Variants in EDA observed in about 807,000 individuals in gnomAD.
EDA encodes the protein ectodysplasin-A.
Under a neutral mutation model 23.6 loss-of-function variants are expected in EDA, and 2 were observed. That is an observed-to-expected ratio of 0.08 (90% CI 0.03 to 0.27). The LOEUF is 0.27. Among genes scored for constraint, EDA ranks in the 10% least tolerant of loss-of-function variants. EDA has a pLI of 1.00. For synonymous variants in EDA, 131 were observed against 132.0 expected (o/e 0.99, Z 0.05); for missense variants, 229 against 324.2 (o/e 0.71, Z 2.26).
chrX:69,718,059 A>C (rs900472590), intron 1 of EDA, among the ~76,000 whole-genome samples: 1 of 111,886 alleles, frequency 8.9e-6, no homozygotes, highest in African/African-American at 3.2e-5. Context: ...GAAGCCGTCA[A>C]CGTTTCCTAT....
chrX:69,645,007 T>C (rs1264085217), intron 1 of EDA, among the ~76,000 whole-genome samples: 1 of 111,616 alleles, frequency 9.0e-6, no homozygotes, highest in East Asian at 2.8e-4. Flanking sequence ...GCTACTGTAT[T>C]TTATTGAGGA....
At chrX:69,785,517 TG>T (rs1474349463) in intron 1 of EDA, among the ~76,000 whole-genome samples, 3 of 109,274 alleles carry the variant, frequency 2.7e-5, no homozygotes, top group African/African-American at 9.8e-5. Flanking sequence ...TGTTGAATTT[TG>T]TCAAAGGCCT....
At chrX:69,732,208 G>A (rs968419636) in intron 1 of EDA, among the ~76,000 whole-genome samples, 5 of 111,268 alleles carry the variant, frequency 4.5e-5, no homozygotes, top group African/African-American at 1.6e-4. Flanking sequence ...CCATTAACTC[G>A]TCATTTACAT....
chrX:69,720,824 A>G (rs2012551627), intron 1 of EDA, among the ~76,000 whole-genome samples: 1 of 112,549 alleles, frequency 8.9e-6, no homozygotes, highest in Non-Finnish European at 1.9e-5. Context: ...AATGTTGTTA[A>G]ATAATTCTAA....
rs1375038527 is a variant in EDA, at chrX:69,972,326, C to T, written c.502+15194C>T. 5.4e-5 allele frequency among the ~76,000 whole-genome samples: 6 copies of T among 111,254 alleles called. No individual in the cohort carries two copies. The South Asian group carries it at 2.3e-3, about 43-fold the overall frequency. On this transcript the variant is annotated intron_variant, in intron 2 of 7. Coordinates refer to ENST00000374552, the MANE Select transcript of EDA (RefSeq NM_001399.5). ...ACAGAGCTTAGATAACATTCACATG[C>T]AGAACACCCTCCCTGGAGCCCTTGG...
intron 1 of EDA, among the ~76,000 whole-genome samples, chrX:69,654,913 A>G (rs1381763566): frequency 3.7e-5 from 4 of 109,459 alleles, no homozygotes; most frequent in Non-Finnish European, 7.6e-5. Context: ...AAACCTGCAC[A>G]TTGTGCACAT....
chrX:69,808,787 T>C (rs1005204165), intron 1 of EDA, among the ~76,000 whole-genome samples: 2 of 112,280 alleles, frequency 1.8e-5, no homozygotes, highest in Admixed American at 9.4e-5. Flanking sequence ...TTAACAAAAA[T>C]CTATAAAAGC....
chrX:69,749,922 C>CTTTTTTTTTTTTTTT lies in EDA; in HGVS notation c.396+133231_396+133245dup, dbSNP rs1569317439. 9.0e-5 allele frequency among the ~76,000 whole-genome samples: 3 copies of CTTTTTTTTTTTTTTT among 33,261 alleles called. 1 individual carries two copies. Among genetic ancestry groups the CTTTTTTTTTTTTTTT allele is most frequent in the Admixed American group, 3.3e-4 (1 of 3,009 alleles). 28.9% of individuals were successfully genotyped at this position (33,261 alleles called of 115,157 possible). The stretch of plus-strand genomic sequence containing the variant: ...TTAGAAACTTCCTCTCACTAAGGTT[C>CTTTTTTTTTTTTTTT]TTTTTTTTTTTTTTTTTTTTTTTTT... On this transcript the variant is annotated intron_variant, in intron 1 of 7. Transcript: ENST00000374552.
intron 2 of EDA, among the ~76,000 whole-genome samples, chrX:69,974,059 T>C (rs780841404): frequency 1.3e-3 from 138 of 107,960 alleles, no homozygotes; most frequent in African/African-American, 4.5e-3. Context: ...TATACAAATG[T>C]GATATAATTA....
intron 1 of EDA, among the ~76,000 whole-genome samples, chrX:69,882,225 G>C (rs1036426748): frequency 9.0e-6 from 1 of 111,724 alleles, no homozygotes; most frequent in Non-Finnish European, 1.9e-5. Flanking sequence ...TGAGCAGATT[G>C]AGGCAAGCAG....
chrX:69,935,273 A>G (rs1487771342), intron 1 of EDA, among the ~76,000 whole-genome samples: 1 of 111,697 alleles, frequency 9.0e-6, no homozygotes, highest in Non-Finnish European at 1.9e-5. Flanking sequence ...CATCTCTTTG[A>G]TATACCGATG....
intron 1 of EDA, among the ~76,000 whole-genome samples, chrX:69,631,109 G>A (rs138264627): frequency 0.013 from 1,452 of 110,971 alleles, 26 homozygotes; most frequent in African/African-American, 0.045. Context: ...GGCCAGGCAC[G>A]GTGGCTCACA....
At chrX:69,946,570 T>C (rs1010768610) in intron 1 of EDA, among the ~76,000 whole-genome samples, 1 of 112,068 alleles carries the variant, frequency 8.9e-6, no homozygotes, top group Non-Finnish European at 1.9e-5. Flanking sequence ...CTACTTAATT[T>C]TTTTATAATA....
intron 1 of EDA, among the ~76,000 whole-genome samples, chrX:69,660,659 A>C (rs1408654787): frequency 9.0e-6 from 1 of 111,296 alleles, no homozygotes; most frequent in Non-Finnish European, 1.9e-5. Context: ...TGTCCCTACA[A>C]AGGGCAGGAA....
chrX:69,914,376 AGT>A (rs1448426941), intron 1 of EDA, among the ~76,000 whole-genome samples: 61 of 112,141 alleles, frequency 5.4e-4, no homozygotes, highest in African/African-American at 1.9e-3. Context: ...CGACCTTCCC[AGT>A]GTCACATGAC....
intron 1 of EDA, among the ~76,000 whole-genome samples, chrX:69,848,651 C>A (rs760407788): frequency 9.0e-6 from 1 of 111,715 alleles, no homozygotes; most frequent in East Asian, 2.8e-4. Flanking sequence ...TTCAGTGTTT[C>A]ACCAAGTATA....
chrX:69,794,211 G>T (rs1278621382), intron 1 of EDA, among the ~76,000 whole-genome samples: 1 of 110,136 alleles, frequency 9.1e-6, no homozygotes, highest in African/African-American at 3.3e-5. Flanking sequence ...AACAAGAAGA[G>T]TGGTTGAAAG....
chrX:69,725,711 A>G (rs759194363), intron 1 of EDA, among the ~76,000 whole-genome samples: 2 of 112,670 alleles, frequency 1.8e-5, no homozygotes, highest in African/African-American at 3.2e-5. Flanking sequence ...AGGCATGTCA[A>G]TGGCATTAGA....
intron 1 of EDA, among the ~76,000 whole-genome samples, chrX:69,736,889 A>T (rs1324547575): frequency 9.4e-6 from 1 of 106,901 alleles, no homozygotes; most frequent in Middle Eastern, 4.3e-3. Context: ...CTCCTGCCTC[A>T]GCCTCCTGAG....
Sources: allele counts gnomAD v4.1 joint callset (sites outside exome capture counted in the v4.1 genomes callset), GRCh38; gene constraint gnomAD v4.1.1; transcripts MANE v1.5; gene names NCBI Gene and HGNC (gene_info 2026-07-23, HGNC 2026-07-21).